The following TRIM24 variants were observed in gnomAD, a reference collection of about 807,000 sequenced individuals.
TRIM24 encodes the protein tripartite motif containing 24, also known as transcription intermediary factor 1-alpha.
Under a neutral mutation model 123.9 loss-of-function variants are expected in TRIM24, and 29 were observed. The observed-to-expected ratio is 0.23, with a 90% CI of 0.17 to 0.32. TRIM24 has a LOEUF of 0.32. TRIM24 is among the 10% of genes least tolerant of loss of function. The probability of loss-of-function intolerance (pLI) is 1.00; values close to 1 mark genes in which losing one functional copy is unlikely to be tolerated. For synonymous variants in TRIM24, 456 were observed against 461.1 expected (o/e 0.99, Z 0.14); for missense variants, 932 against 1,295.3 (o/e 0.72, Z 4.31).
At position 138,513,153 on chromosome 7, in the gene TRIM24, G is replaced by A. The variant is rs138570333; in HGVS notation, c.484-2059G>A. On this transcript the variant is annotated intron_variant, in intron 2 of 18. Transcript: ENST00000343526. ...TCCCAATAAGTTTATTTCCATCTGT[G>A]ACCTCCTCAGCCTGGACTTCATTGT... is the stretch of plus-strand genomic sequence containing the variant. Among the ~76,000 whole-genome samples, 38 of 152,258 alleles carry A rather than the reference G, an allele frequency of 2.5e-4. No homozygotes were observed. In the East Asian group the frequency reaches 7.1e-3, roughly 29 times the overall value.
intron 12 of TRIM24, among the ~76,000 whole-genome samples, chr7:138,575,113 A>T (rs994769240): frequency 1.3e-5 from 2 of 152,212 alleles, no homozygotes; most frequent in Non-Finnish European, 2.9e-5. Context: ...AGTGAAAACA[A>T]GTATACAGAA....
At chr7:138,560,450 G>T (rs1797402839) in intron 9 of TRIM24, among the ~76,000 whole-genome samples, 1 of 152,224 alleles carries the variant, frequency 6.6e-6, no homozygotes, top group Non-Finnish European at 1.5e-5. Context: ...TGTACGGATA[G>T]CCTCTGGCTC....
chr7:138,481,901 T>C lies in TRIM24; in HGVS notation c.364+20989T>C, dbSNP rs1445007196. Reference sequence around the variant, plus strand: ...GGTTTTCGTTTCATCTGCAGTTGATTTATGTGTATGGTGAGGTTGCAGTCC... The same window carrying C: ...GGTTTTCGTTTCATCTGCAGTTGATCTATGTGTATGGTGAGGTTGCAGTCC... On this transcript the variant is annotated intron_variant, in intron 1 of 18. Coordinates refer to ENST00000343526, the MANE Select transcript of TRIM24 (RefSeq NM_015905.3). Among the ~76,000 whole-genome samples the C allele has an allele frequency of 7.2e-5, 11 of 152,320 alleles. No individual in the cohort carries two copies. In the East Asian group the frequency reaches 2.1e-3, roughly 29 times the overall value.
At chr7:138,568,175 G>C (rs1255431215) in intron 10 of TRIM24, among the ~76,000 whole-genome samples, 2 of 151,636 alleles carry the variant, frequency 1.3e-5, no homozygotes, top group Non-Finnish European at 2.9e-5. Context: ...CTGGAGTGCA[G>C]TGGCGCAATC....
At chr7:138,474,030 C>A (rs985727976) in intron 1 of TRIM24, among the ~76,000 whole-genome samples, 1 of 152,148 alleles carries the variant, frequency 6.6e-6, no homozygotes, top group Non-Finnish European at 1.5e-5. Flanking sequence ...CTTGGCCTCC[C>A]AAAGTGCTAG....
At chr7:138,508,950 CTTTA>C (rs1393673928) in intron 2 of TRIM24, among the ~76,000 whole-genome samples, 1 of 151,664 alleles carries the variant, frequency 6.6e-6, no homozygotes, top group Non-Finnish European at 1.5e-5. Flanking sequence ...CTAACAGAGA[CTTTA>C]TTTATTTATT....
At chr7:138,490,821 T>A in intron 1 of TRIM24, 2 of 464,696 alleles carry the variant, frequency 4.3e-6, no homozygotes, top group Admixed American at 2.5e-5. Context: ...ATTGACCACA[T>A]CTTTCAAGTC....
At chr7:138,570,629 C>T (rs1452834548) in intron 10 of TRIM24, among the ~76,000 whole-genome samples, 4 of 142,846 alleles carry the variant, frequency 2.8e-5, no homozygotes, top group East Asian at 2.1e-4. Flanking sequence ...AAAATCAGTG[C>T]TTTTTACTGT....
chr7:138,545,045 TAA>T (rs1231178255), intron 7 of TRIM24, among the ~76,000 whole-genome samples: 3 of 152,204 alleles, frequency 2.0e-5, no homozygotes, highest in Non-Finnish European at 2.9e-5. Context: ...AAATATTGTA[TAA>T]AATTGCTTTC....
intron 1 of TRIM24, among the ~76,000 whole-genome samples, chr7:138,470,672 A>G (rs1213267231): frequency 3.3e-5 from 5 of 152,190 alleles, no homozygotes; most frequent in African/African-American, 1.2e-4. Context: ...TTAAAAAGTG[A>G]TCGCTTGTTT....
At chr7:138,482,618 T>C (rs996900347) in intron 1 of TRIM24, among the ~76,000 whole-genome samples, 1 of 152,208 alleles carries the variant, frequency 6.6e-6, no homozygotes, top group African/African-American at 2.4e-5. Flanking sequence ...TAAGTATAAT[T>C]ATTCCCATTG....
chr7:138,575,314 T>G (rs1797733589), intron 12 of TRIM24, among the ~76,000 whole-genome samples: 1 of 152,146 alleles, frequency 6.6e-6, no homozygotes, highest in Admixed American at 6.5e-5. Context: ...TTGTTTTGAT[T>G]GATTTTGAGG....
At chr7:138,513,749 C>T (rs1373114031) in intron 2 of TRIM24, among the ~76,000 whole-genome samples, 1 of 152,204 alleles carries the variant, frequency 6.6e-6, no homozygotes, top group Non-Finnish European at 1.5e-5. Context: ...AACCATATTA[C>T]CATCTTTCTT....
intron 1 of TRIM24, among the ~76,000 whole-genome samples, chr7:138,487,978 T>A (rs2116491872): frequency 6.6e-6 from 1 of 152,288 alleles, no homozygotes; most frequent in Admixed American, 6.5e-5. Flanking sequence ...GGTCCTGGAC[T>A]TTTTTTCGTT....
intron 9 of TRIM24, among the ~76,000 whole-genome samples, chr7:138,560,592 G>C (rs762029228): frequency 2.0e-5 from 3 of 152,128 alleles, no homozygotes; most frequent in African/African-American, 7.2e-5. Flanking sequence ...CAAACGGCTC[G>C]GGTGATGGCA....
At chr7:138,529,823 T>C (rs1426007261) in intron 6 of TRIM24, among the ~76,000 whole-genome samples, 2 of 152,182 alleles carry the variant, frequency 1.3e-5, no homozygotes, top group Admixed American at 1.3e-4. Flanking sequence ...TCAAATCATA[T>C]AAGGTTATAA....
chr7:138,482,866 A>G (rs1054554031), intron 1 of TRIM24, among the ~76,000 whole-genome samples: 1 of 152,044 alleles, frequency 6.6e-6, no homozygotes, highest in Admixed American at 6.6e-5. Flanking sequence ...GCCTCTCAAA[A>G]TGCTGAGAGC....
At chr7:138,466,463 C>CCT (rs1554430008) in intron 1 of TRIM24, among the ~76,000 whole-genome samples, 5 of 74,056 alleles carry the variant, frequency 6.8e-5, no homozygotes, top group South Asian at 9.5e-4. Flanking sequence ...ACTTAAGTTG[C>CCT]TTTTTTTTTT....
chr7:138,473,594 G>A (rs1366708037), intron 1 of TRIM24, among the ~76,000 whole-genome samples: 1 of 152,156 alleles, frequency 6.6e-6, no homozygotes, highest in African/African-American at 2.4e-5. Context: ...AAAAAACTTA[G>A]ATTGGCATCC....
Sources: gnomAD v4.1 joint callset for allele counts (sites outside exome capture counted in the v4.1 genomes callset) on GRCh38, gnomAD v4.1.1 for gene constraint, MANE v1.5 for transcripts, NCBI Gene and HGNC (gene_info 2026-07-23, HGNC 2026-07-21) for gene names.